SLC38A1: variants seen among roughly 807,000 people sequenced by gnomAD.
The protein encoded by SLC38A1 is sodium-coupled neutral amino acid symporter 1.
A neutral mutation model predicts 60.3 loss-of-function variants in SLC38A1; 18 were observed. The observed-to-expected ratio is 0.30, with a 90% confidence interval of 0.21 to 0.44. SLC38A1 has a LOEUF of 0.44. Ranked by LOEUF, SLC38A1 falls within the 20% of genes least tolerant of loss-of-function variation. The pLI is 1.00. For synonymous variants in SLC38A1, 196 were observed against 212.1 expected (o/e 0.92, Z 0.66); for missense variants, 448 against 587.2 (o/e 0.76, Z 2.45).
At chr12:46,201,258 T>C in intron 12 of SLC38A1, 60 bp from the exon 13 acceptor site, 1 of 1,352,274 alleles carries the variant, frequency 7.4e-7, no homozygotes, top group Non-Finnish European at 1.0e-6. Flanking sequence ...GCACCAGTGT[T>C]AACATTGAAG....
chr12:46,260,951 T>C (rs1942177328), intron 1 of SLC38A1, among the ~76,000 whole-genome samples: 1 of 152,172 alleles, frequency 6.6e-6, no homozygotes, highest in African/African-American at 2.4e-5. Flanking sequence ...ATCATAACTG[T>C]TCCCTCTACA....
chr12:46,254,578 G>A (rs1304236350), intron 1 of SLC38A1, among the ~76,000 whole-genome samples: 6 of 152,188 alleles, frequency 3.9e-5, no homozygotes, highest in African/African-American at 9.7e-5. Context: ...AAATACCTAT[G>A]AGTTGGGTAA....
intron 1 of SLC38A1, among the ~76,000 whole-genome samples, chr12:46,261,349 T>C (rs1942191046): frequency 6.6e-6 from 1 of 152,166 alleles, no homozygotes; most frequent in African/African-American, 2.4e-5. Flanking sequence ...TGTAGATTAC[T>C]CACTGGCTTA....
chr12:46,258,236 T>C (rs1019860911), intron 1 of SLC38A1, among the ~76,000 whole-genome samples: 1 of 152,206 alleles, frequency 6.6e-6, no homozygotes, highest in Non-Finnish European at 1.5e-5. Context: ...CTTATCTCAT[T>C]CTGTGACTTA....
At chr12:46,232,613 G>T (rs1245262514) in intron 3 of SLC38A1, among the ~76,000 whole-genome samples, 1 of 152,196 alleles carries the variant, frequency 6.6e-6, no homozygotes, top group South Asian at 2.1e-4. Context: ...GTGGGGACTG[G>T]ACTTTCCAAA....
chr12:46,261,464 C>A (rs1942194208), intron 1 of SLC38A1, among the ~76,000 whole-genome samples: 3 of 152,166 alleles, frequency 2.0e-5, no homozygotes, highest in Admixed American at 2.0e-4. Context: ...ACAGTAAACA[C>A]ATGTTAACAA....
At chr12:46,259,076 T>G (rs1056382632) in intron 1 of SLC38A1, among the ~76,000 whole-genome samples, 2 of 152,196 alleles carry the variant, frequency 1.3e-5, no homozygotes, top group African/African-American at 4.8e-5. Flanking sequence ...CCACGTGAGA[T>G]GATGGATATA....
At chr12:46,226,294 T>A (rs1167751326) in intron 5 of SLC38A1, among the ~76,000 whole-genome samples, 2 of 151,928 alleles carry the variant, frequency 1.3e-5, no homozygotes, top group African/African-American at 4.9e-5. Context: ...TTTAAATTTT[T>A]CATAATGCAG....
intron 1 of SLC38A1, among the ~76,000 whole-genome samples, chr12:46,260,452 C>A (rs1416319041): frequency 6.6e-6 from 1 of 152,174 alleles, no homozygotes; most frequent in Non-Finnish European, 1.5e-5. Context: ...CATGATCATG[C>A]CACTTAACAT....
chr12:46,190,067 C>T (rs903792718), intron 16 of SLC38A1, among the ~76,000 whole-genome samples: 5 of 152,068 alleles, frequency 3.3e-5, no homozygotes, highest in Non-Finnish European at 5.9e-5. Flanking sequence ...AGGTATTTCT[C>T]GTAATGCTAT....
chr12:46,199,193 C>T (rs1939526942), intron 13 of SLC38A1, among the ~76,000 whole-genome samples: 1 of 151,898 alleles, frequency 6.6e-6, no homozygotes, highest in Admixed American at 6.6e-5. Context: ...GTTAAGTCAA[C>T]TTCAAGTGGC....
chr12:46,229,731 A>C, intron 3 of SLC38A1, 92 bp from the exon 4 acceptor site: 1 of 1,095,306 alleles, frequency 9.1e-7, no homozygotes, highest in South Asian at 1.3e-5. Flanking sequence ...CAAAACATAC[A>C]TGAACAGTTA....
intron 16 of SLC38A1, chr12:46,196,411 G>T: frequency 8.3e-7 from 1 of 1,205,912 alleles, no homozygotes; most frequent in Non-Finnish European, 1.1e-6. Flanking sequence ...CCTACTACTA[G>T]TTTCATTATG....
intron 5 of SLC38A1, among the ~76,000 whole-genome samples, chr12:46,226,021 A>T (rs1204130190): frequency 6.6e-6 from 1 of 152,232 alleles, no homozygotes; most frequent in East Asian, 1.9e-4. Flanking sequence ...ATGTTTAAAA[A>T]CATAACATAA....
At position 46,268,366 on chromosome 12, in the gene SLC38A1, T is replaced by C. The variant is rs1006396588; in HGVS notation, c.-209+160A>G. 3.3e-5 allele frequency among the ~76,000 whole-genome samples: 5 copies of C among 152,150 alleles called. No individual in the cohort carries two copies. Among genetic ancestry groups the C allele is most frequent in the Non-Finnish European group, 7.4e-5 (5 of 68,016 alleles). On this transcript the variant is annotated intron_variant, in intron 1 of 16. Coordinates refer to ENST00000398637, the MANE Select transcript of SLC38A1 (RefSeq NM_030674.4). The surrounding 1 kb of genome is among the most constrained non-coding windows in gnomAD (Gnocchi z 4.4). The stretch of plus-strand genomic sequence containing the variant: ...TTCGGGAAGCACAGGAGACCTGGAC[T>C]TTTCCTCTCCTAAAAGCAACATCCG...
At chr12:46,219,114 G>A (rs559145820) in intron 5 of SLC38A1, among the ~76,000 whole-genome samples, 1 of 152,336 alleles carries the variant, frequency 6.6e-6, no homozygotes, top group Non-Finnish European at 1.5e-5. Flanking sequence ...CTGGACCCCA[G>A]GCAAGAAGGG....
intron 5 of SLC38A1, 113 bp from the exon 6 acceptor site, chr12:46,209,240 A>G: frequency 1.5e-6 from 1 of 680,384 alleles, no homozygotes; most frequent in Non-Finnish European, 2.4e-6. Flanking sequence ...TGTTAATAGT[A>G]TCCAAATTTT....
chr12:46,199,819 C>G (rs1209055316), intron 13 of SLC38A1, among the ~76,000 whole-genome samples: 1 of 152,124 alleles, frequency 6.6e-6, no homozygotes, highest in African/African-American at 2.4e-5. Context: ...TCTCACTGCA[C>G]CAGTCTCAAG....
At chr12:46,196,025 C>T in intron 16 of SLC38A1, 1 of 925,138 alleles carries the variant, frequency 1.1e-6, no homozygotes, top group Non-Finnish European at 1.6e-6. Context: ...AATCACCCAT[C>T]TTCTACATCG....
Sources: allele counts gnomAD v4.1 joint callset (sites outside exome capture counted in the v4.1 genomes callset), GRCh38; gene constraint gnomAD v4.1.1; non-coding constraint Gnocchi (gnomAD v3.1); transcripts MANE v1.5; gene names NCBI Gene and HGNC (gene_info 2026-07-23, HGNC 2026-07-21).